The following SLC11A2 variants were observed in gnomAD, a reference collection of about 807,000 sequenced individuals.
The protein encoded by SLC11A2 is natural resistance-associated macrophage protein 2.
A neutral mutation model predicts 68.0 loss-of-function variants in SLC11A2; 38 were observed. The observed-to-expected ratio is 0.56, with a 90% confidence interval of 0.43 to 0.73. The LOEUF (loss-of-function observed/expected upper bound fraction) is 0.73, where lower values mean the gene tolerates loss of function less well. Ranked by LOEUF, SLC11A2 falls within the 30% of genes least tolerant of loss-of-function variation. SLC11A2 has a pLI of 0.00. For synonymous variants in SLC11A2, 242 were observed against 250.6 expected (o/e 0.97, Z 0.32); for missense variants, 517 against 690.5 (o/e 0.75, Z 2.82).
In SLC11A2 at chr12:51,005,359, TGGATCCAGGTA is replaced by T. The variant is rs1489512196; in HGVS notation, c.250_260del (p.Tyr84ArgfsTer4). On this transcript the variant is annotated frameshift_variant, in exon 4 of 16. Coordinates refer to ENST00000262052, the MANE Select transcript of SLC11A2 (RefSeq NM_000617.3). LOFTEE classifies it high-confidence loss of function. The stretch of plus-strand genomic sequence containing the variant: ...ACTGCAAATCGGATTCAATATTTCC[TGGATCCAGGTA>T]GGCAATGCTCATAAGAAAACCTGGT... The T allele has an allele frequency of 6.2e-7, 1 of 1,614,054 alleles. No homozygotes were observed. Among genetic ancestry groups the T allele is most frequent in the South Asian group, 1.1e-5 (1 of 91,086 alleles).
At position 50,996,943 on chromosome 12, in the gene SLC11A2, C is replaced by T. The variant is rs372457911; in HGVS notation, c.705G>A (p.Gln235=). The part of the protein sequence containing the change: ...EYVTVKPSQS[Q]VLKGMFVPSC... ...ATGGTACGAACATGCCCTTGAGTAC[C>T]TGGCTCTGGCTGGGTTTCACTGTAA... is the stretch of plus-strand genomic sequence containing the variant. Residue 235 remains glutamine, a synonymous_variant, in exon 9 of 16, where the codon CAG becomes CAA. Transcript: ENST00000262052. 3.6e-5 allele frequency: 58 copies of T among 1,614,028 alleles called. No individual in the cohort carries two copies. The highest frequency in any genetic ancestry group is 4.9e-5 in the Non-Finnish European group (58 of 1,180,018).
At chr12:51,010,411 G>A (rs993598778) in intron 2 of SLC11A2, among the ~76,000 whole-genome samples, 9 of 151,734 alleles carry the variant, frequency 5.9e-5, no homozygotes, top group South Asian at 4.2e-4. Context: ...ACAGCTACTC[G>A]GGAGGCTGAA....
At chr12:50,981,750 G>A (rs554943428), downstream of SLC11A2, 17 of 1,535,624 alleles carry the variant, frequency 1.1e-5, no homozygotes, top group East Asian at 2.4e-5. Context: ...GTGAGTCAGC[G>A]TCCATGGTGT....
chr12:51,014,876 A>ATAAAT (rs1365970550), intron 1 of SLC11A2, among the ~76,000 whole-genome samples: 1 of 150,244 alleles, frequency 6.7e-6, no homozygotes, highest in Non-Finnish European at 1.5e-5. Context: ...ATAAAATAAA[A>ATAAAT]GAGGTCAGGC....
At chr12:51,019,673 T>C (rs1003610149) in intron 1 of SLC11A2, among the ~76,000 whole-genome samples, 2 of 148,038 alleles carry the variant, frequency 1.4e-5, no homozygotes, top group African/African-American at 5.0e-5. Context: ...TTTGAGATAG[T>C]GTCTTGCTCT....
intron 5 of SLC11A2, among the ~76,000 whole-genome samples, chr12:51,001,599 AAAAG>A (rs1555220486): frequency 9.5e-5 from 14 of 147,612 alleles, no homozygotes; most frequent in African/African-American, 1.7e-4. Context: ...AAAAAAAAAA[AAAAG>A]AAAGAAAGAA....
chr12:51,005,167 G>A lies in SLC11A2; in HGVS notation c.309+144C>T. 5.2e-6 allele frequency: 5 copies of A among 957,532 alleles called. No homozygotes were observed. In the South Asian group the frequency reaches 7.0e-5, roughly 13 times the overall value. The allele number at this position is 957,532 out of a possible 1,614,324, so 59.3% of individuals were successfully genotyped here. On this transcript the variant is annotated intron_variant, in intron 4 of 15. Coordinates refer to ENST00000262052, the MANE Select transcript of SLC11A2 (RefSeq NM_000617.3). The stretch of plus-strand genomic sequence containing the variant: ...TATGTGGATAAAAATAAGACCAAAT[G>A]GAAAGTACTTTACACATAAGAGCCA...
At chr12:50,971,357 T>C in the SLC11A2 span, among the ~76,000 whole-genome samples, 1 of 151,982 alleles carries the variant, frequency 6.6e-6, no homozygotes, top group Non-Finnish European at 1.5e-5. Flanking sequence ...CTCATTCTTA[T>C]ACAGAAACTT....
Position 50,995,772 on chromosome 12 carries a change from G to A in SLC11A2, c.847C>T (p.Arg283Trp), listed in dbSNP as rs746447913. The A allele has an allele frequency of 5.0e-6, 8 of 1,613,892 alleles. No individual in the cohort carries two copies. The highest frequency in any genetic ancestry group is 2.7e-5 in the African/African-American group (2 of 74,890). Reference sequence around the variant, plus strand: ...TCTCGAACTTCCTGCTTATTGTTCCGGTTTACCTGTCTAGACTAGAAAGAT... The same window carrying A: ...TCTCGAACTTCCTGCTTATTGTTCCAGTTTACCTGTCTAGACTAGAAAGAT... ...SALVKSRQVN[R>W]NNKQEVREAN... The change falls in exon 10 of 16, where the codon CGG (arginine) becomes TGG (tryptophan). Residue 283 changes from arginine (R) to tryptophan (W), a missense_variant. Physicochemically the swap from Arg to Trp is moderately radical, Grantham distance 101 (BLOSUM62 -3). Coordinates refer to ENST00000262052, the MANE Select transcript of SLC11A2 (RefSeq NM_000617.3).
At chr12:50,983,683 C>A (rs1286196197), downstream of SLC11A2, among the ~76,000 whole-genome samples, 2 of 152,058 alleles carry the variant, frequency 1.3e-5, no homozygotes, top group African/African-American at 4.8e-5. Flanking sequence ...ACTGAAAATA[C>A]AAAAATTAGC....
intron 4 of SLC11A2, 42 bp from the exon 5 acceptor site, chr12:51,004,949 G>C (rs1303140084): frequency 6.2e-7 from 1 of 1,610,926 alleles, no homozygotes; most frequent in Admixed American, 1.7e-5. Context: ...TTGAACAACT[G>C]AGTTTTTGTC....
chr12:50,974,032 C>T, the SLC11A2 span, among the ~76,000 whole-genome samples: 2 of 152,082 alleles, frequency 1.3e-5, no homozygotes, highest in Admixed American at 6.6e-5. Context: ...CTGAAAGTGA[C>T]AGGGAGAATG....
chr12:50,959,191 C>T, the SLC11A2 span, among the ~76,000 whole-genome samples: 1 of 152,104 alleles, frequency 6.6e-6, no homozygotes, highest in Non-Finnish European at 1.5e-5. Flanking sequence ...GCAATCTCAG[C>T]TCACTGCAAC....
intron 2 of SLC11A2, among the ~76,000 whole-genome samples, chr12:51,010,044 C>T (rs1460927994): frequency 1.3e-5 from 2 of 151,844 alleles, no homozygotes; most frequent in East Asian, 3.9e-4. Flanking sequence ...ATTAGCCGGG[C>T]GTGGCGGCAG....
Position 50,994,571 on chromosome 12 carries a change from C to T in SLC11A2, c.1050G>A (p.Ser350=), listed in dbSNP as rs373185976. Residue 350 remains serine, a synonymous_variant, in exon 11 of 16, where the codon TCG becomes TCA. Transcript: ENST00000262052. The stretch of plus-strand genomic sequence containing the variant: ...CTTTGTAGATGTCCACAGCCAGTGT[C>T]GAGTTATCTTTAGGAAAGAGGCCAG... ...PHAGLFPKDN[S]TLAVDIYKGG... 2.2e-5 allele frequency: 36 copies of T among 1,611,260 alleles called. No homozygotes were observed. The highest frequency in any genetic ancestry group is 4.0e-5 in the African/African-American group (3 of 74,832).
intron 3 of SLC11A2, chr12:51,005,725 C>T (rs974578034): frequency 7.7e-7 from 1 of 1,292,588 alleles, no homozygotes; most frequent in African/African-American, 1.5e-5. Flanking sequence ...AAACACTTCC[C>T]AAAAAGGACA....
chr12:50,989,372 T>A (rs1034143235), intron 15 of SLC11A2, among the ~76,000 whole-genome samples: 3 of 152,066 alleles, frequency 2.0e-5, no homozygotes, highest in African/African-American at 4.8e-5. Context: ...ATGGCTGTAG[T>A]CCCAACTACT....
downstream of SLC11A2, chr12:50,979,281 G>A (rs565970855): frequency 1.3e-5 from 2 of 152,310 alleles, no homozygotes; most frequent in South Asian, 4.1e-4. Flanking sequence ...TCTGATTACA[G>A]GAGTTCTGTG....
chr12:50,971,529 C>T, the SLC11A2 span, among the ~76,000 whole-genome samples: 15,038 of 152,132 alleles, frequency 0.099, 1,161 homozygotes, highest in African/African-American at 0.21. Flanking sequence ...TAATGTGGTA[C>T]GACACTGTAG....
Sources: allele counts gnomAD v4.1 joint callset (sites outside exome capture counted in the v4.1 genomes callset), GRCh38; gene constraint gnomAD v4.1.1; transcripts MANE v1.5; gene names NCBI Gene and HGNC (gene_info 2026-07-23, HGNC 2026-07-21).